The following ARNT variants were observed in gnomAD, a reference collection of about 807,000 sequenced individuals.
The protein encoded by ARNT is aryl hydrocarbon receptor nuclear translocator.
In ARNT, 30 loss-of-function variants were observed where a neutral mutation model predicts 105.0. The ratio of observed to expected loss-of-function variants is 0.29; its 90% CI spans 0.21 to 0.39. The LOEUF is 0.39. Ranked by LOEUF, ARNT falls within the 10% of genes least tolerant of loss-of-function variation. ARNT has a pLI of 1.00. For missense variants in ARNT, 748 were observed against 978.7 expected (o/e 0.76, Z 3.15); for synonymous variants, 304 against 344.0 (o/e 0.88, Z 1.29).
At chr1:150,814,519 T>C (rs982369146) in intron 19 of ARNT, among the ~76,000 whole-genome samples, 3 of 152,190 alleles carry the variant, frequency 2.0e-5, no homozygotes, top group African/African-American at 7.2e-5. Context: ...TATATAAAAC[T>C]AGAGGCATTC....
At chr1:150,850,517 T>C (rs1450619835) in intron 3 of ARNT, among the ~76,000 whole-genome samples, 3 of 152,242 alleles carry the variant, frequency 2.0e-5, no homozygotes, top group Non-Finnish European at 2.9e-5. Flanking sequence ...CTCCTAACCG[T>C]GAGTGATCCG....
rs777621774 is a variant in ARNT, at chr1:150,817,184, T to C, written c.1597A>G (p.Thr533Ala). The C allele has an allele frequency of 1.2e-5, 19 of 1,614,066 alleles. No homozygotes were observed. Among genetic ancestry groups the C allele is most frequent in the Non-Finnish European group, 1.4e-5 (17 of 1,180,040 alleles). ...GGCTTGCTGTGTTCTGGTCCTGTGG[T>C]TGTCACAGGCTGAACCACCTGTGGA... ...NHSQVVQPVT[T>A]TGPEHSKPLE... Residue 533 changes from threonine to alanine, a missense_variant, in exon 17 of 22, where the codon ACC becomes GCC. This residue lies in a region of ARNT where 360 missense variants were observed against 411.9 expected (regional missense o/e 0.87). Coordinates refer to ENST00000358595, the MANE Select transcript of ARNT (RefSeq NM_001668.4).
chr1:150,870,074 G>A (rs587623629), intron 1 of ARNT, among the ~76,000 whole-genome samples: 43 of 152,314 alleles, frequency 2.8e-4, no homozygotes, highest in Admixed American at 1.2e-3. Context: ...TGGAGATTAA[G>A]AATGATGACT....
chr1:150,860,584 G>C (rs188183492), intron 1 of ARNT, among the ~76,000 whole-genome samples: 1 of 151,876 alleles, frequency 6.6e-6, no homozygotes, highest in South Asian at 2.1e-4. Flanking sequence ...GGCCAGGCAC[G>C]GTGGCTCACA....
At chr1:150,842,555 GGGAGGGAGAGGAAAT>G (rs994006276) in intron 4 of ARNT, 87 bp from the exon 5 acceptor site, 11 of 1,111,140 alleles carry the variant, frequency 9.9e-6, no homozygotes, top group Non-Finnish European at 1.5e-5. Flanking sequence ...AAAGGAAGGA[GGGAGGGAGAGGAAAT>G]GGAGGGAGAA....
chr1:150,826,377 C>T (rs1426017118), intron 13 of ARNT, among the ~76,000 whole-genome samples, 166 bp downstream of exon 13: 3 of 152,210 alleles, frequency 2.0e-5, no homozygotes, highest in African/African-American at 4.8e-5. Flanking sequence ...GGGCATTATC[C>T]ATAATTTCAA....
intron 3 of ARNT, among the ~76,000 whole-genome samples, chr1:150,849,079 T>G (rs745889786): frequency 5.3e-5 from 8 of 152,052 alleles, no homozygotes; most frequent in Non-Finnish European, 1.2e-4. Flanking sequence ...AGTGCATGCC[T>G]GTAATCCCAG....
intron 1 of ARNT, among the ~76,000 whole-genome samples, chr1:150,865,745 T>C (rs587704545): frequency 6.6e-6 from 1 of 152,310 alleles, no homozygotes; most frequent in East Asian, 1.9e-4. Flanking sequence ...GCATACTACA[T>C]GCTTCATTTT....
intron 3 of ARNT, among the ~76,000 whole-genome samples, chr1:150,852,276 A>G (rs1325457790): frequency 6.6e-6 from 1 of 152,210 alleles, no homozygotes; most frequent in Admixed American, 6.5e-5. Flanking sequence ...CAGAGGCTTG[A>G]TAAGCACTTG....
chr1:150,814,166 G>A lies in ARNT; in HGVS notation c.2024C>T (p.Ser675Phe). The change falls in exon 20 of 22, where the codon TCC becomes TTC. Residue 675 changes from serine (S) to phenylalanine (F), a missense_variant. Physicochemically the swap from Ser to Phe is radical, Grantham distance 155 (BLOSUM62 -2). This residue lies in a region of ARNT where 360 missense variants were observed against 411.9 expected (regional missense o/e 0.87). Transcript: ENST00000358595. ...FGVGSFQTPSSFSSMSLPGAP... is the reference protein window; with the variant it reads ...FGVGSFQTPSFFSSMSLPGAP... ...ACCAGGGAGGGACATGGAGCTGAAG[G>A]AGGATGGAGTCTGAAAGCTGCCCAC... 1 of 1,614,178 alleles carries A rather than the reference G, an allele frequency of 6.2e-7. No homozygotes were observed. The highest frequency in any genetic ancestry group is 8.5e-7 in the Non-Finnish European group (1 of 1,180,030).
chr1:150,853,443 G>A (rs1309470374), intron 2 of ARNT, among the ~76,000 whole-genome samples: 8 of 152,126 alleles, frequency 5.3e-5, no homozygotes, highest in East Asian at 1.9e-4. Flanking sequence ...AAAAATTAAC[G>A]TAAATAATTC....
Position 150,859,821 on chromosome 1 carries a change from G to GCAA in ARNT, c.26-1364_26-1362dup, listed in dbSNP as rs587654064. Among the ~76,000 whole-genome samples, 406 of 152,184 alleles carry GCAA rather than the reference G, an allele frequency of 2.7e-3. 1 individual carries two copies. Among genetic ancestry groups the GCAA allele is most frequent in the Non-Finnish European group, 4.1e-3 (279 of 67,988 alleles). On this transcript the variant is annotated intron_variant, in intron 1 of 21. Coordinates refer to ENST00000358595, the MANE Select transcript of ARNT (RefSeq NM_001668.4). ...GCCCAGGAGTTCGAGACTAGCCTTT[G>GCAA]CAACACAGTGAAACCTCATCTGTAC...
intron 9 of ARNT, 101 bp downstream of exon 9, chr1:150,832,233 T>G: frequency 3.2e-6 from 4 of 1,244,704 alleles, no homozygotes; most frequent in Non-Finnish European, 3.5e-6. Flanking sequence ...GGGATGCAAG[T>G]GAGAGCTGCT....
chr1:150,868,330 T>C (rs1666933381), intron 1 of ARNT, among the ~76,000 whole-genome samples: 1 of 151,806 alleles, frequency 6.6e-6, no homozygotes, highest in African/African-American at 2.4e-5. Context: ...AGTCCTAGCC[T>C]CAAGGGTGAG....
intron 10 of ARNT, 38 bp downstream of exon 10, chr1:150,831,780 T>G: frequency 6.9e-7 from 1 of 1,454,454 alleles, no homozygotes; most frequent in East Asian, 2.3e-5. Flanking sequence ...AGGAACCAAC[T>G]GTACCAAGGG....
At chr1:150,813,438 C>A in intron 20 of ARNT, 100 bp from the exon 21 acceptor site, 1 of 1,241,478 alleles carries the variant, frequency 8.1e-7, no homozygotes, top group Non-Finnish European at 1.1e-6. Context: ...ATTAATTTTA[C>A]CTAGGATAAC....
intron 3 of ARNT, among the ~76,000 whole-genome samples, chr1:150,847,294 G>T (rs1662406262): frequency 6.6e-6 from 1 of 152,058 alleles, no homozygotes. Flanking sequence ...AGCTGGGTGT[G>T]GTGGCACGTG....
At chr1:150,813,832 G>A (rs1243961343) in intron 20 of ARNT, among the ~76,000 whole-genome samples, 1 of 151,962 alleles carries the variant, frequency 6.6e-6, no homozygotes, top group East Asian at 1.9e-4. Context: ...CTCCATGTTG[G>A]TCAGGCTGGG....
Position 150,825,771 on chromosome 1 carries a change from C to T in ARNT, c.1242+772G>A, listed in dbSNP as rs188537428. ...GGCTGAAACAGGAGAATCGCTTGAA[C>T]CTAAGAGGCAGAGGTTACAATGAGC... On this transcript the variant is annotated intron_variant, in intron 13 of 21. Coordinates refer to ENST00000358595, the MANE Select transcript of ARNT (RefSeq NM_001668.4). Among the ~76,000 whole-genome samples the T allele has an allele frequency of 2.6e-5, 4 of 151,778 alleles. No homozygotes were observed. The East Asian group carries it at 7.8e-4, about 29-fold the overall frequency.
Sources: allele counts gnomAD v4.1 joint callset (sites outside exome capture counted in the v4.1 genomes callset), GRCh38; gene constraint gnomAD v4.1.1; regional missense constraint gnomAD v4.1.1; transcripts MANE v1.5; gene names NCBI Gene and HGNC (gene_info 2026-07-23, HGNC 2026-07-21).